The following PCBP3 variants were observed in gnomAD, a reference collection of about 807,000 sequenced individuals.
The protein encoded by PCBP3 is poly(rC) binding protein 3.
PCBP3 carries 25 observed loss-of-function variants against 52.7 expected under a neutral mutation model. The ratio of observed to expected loss-of-function variants is 0.47; its 90% CI spans 0.35 to 0.66. PCBP3 has a LOEUF of 0.66. Ranked by LOEUF, PCBP3 falls within the 30% of genes least tolerant of loss-of-function variation. The pLI is 0.01. For missense variants in PCBP3, 391 were observed against 490.3 expected (o/e 0.80, Z 1.91); for synonymous variants, 162 against 183.0 (o/e 0.89, Z 0.93).
intron 4 of PCBP3, chr21:45,762,461 G>A (rs1351636289): frequency 7.0e-6 from 1 of 142,448 alleles, no homozygotes; most frequent in Non-Finnish European, 1.5e-5. Flanking sequence ...GAGGGTAATT[G>A]TGCTTCACCT....
At chr21:45,936,534 C>A (rs1028022505) in intron 16 of PCBP3, among the ~76,000 whole-genome samples, 7 of 152,206 alleles carry the variant, frequency 4.6e-5, no homozygotes, top group African/African-American at 1.4e-4. Context: ...TGTGGGGTGG[C>A]ACAGCCAACT....
At chr21:45,787,873 G>A (rs1220859716) in intron 4 of PCBP3, among the ~76,000 whole-genome samples, 2 of 152,222 alleles carry the variant, frequency 1.3e-5, no homozygotes, top group Non-Finnish European at 1.5e-5. Flanking sequence ...TGTTGCAACA[G>A]GAAAAGTTGA....
intron 4 of PCBP3, among the ~76,000 whole-genome samples, chr21:45,796,914 C>A (rs2091946877): frequency 6.6e-6 from 1 of 152,172 alleles, no homozygotes; most frequent in South Asian, 2.1e-4. Flanking sequence ...CTCTTGAAGG[C>A]CCTCTTGTGT....
intron 4 of PCBP3, among the ~76,000 whole-genome samples, chr21:45,764,368 C>A (rs561898770): frequency 6.6e-6 from 1 of 152,142 alleles, no homozygotes; most frequent in Non-Finnish European, 1.5e-5. Flanking sequence ...GCAGTCTACC[C>A]GCCTCCGCCT....
intron 4 of PCBP3, among the ~76,000 whole-genome samples, chr21:45,799,900 C>T (rs1263530750): frequency 6.6e-6 from 1 of 152,232 alleles, no homozygotes; most frequent in Non-Finnish European, 1.5e-5. Context: ...TGGCTGAGCC[C>T]AGGAGGCCTT....
chr21:45,811,349 A>C (rs896901600), intron 4 of PCBP3, among the ~76,000 whole-genome samples: 13 of 152,228 alleles, frequency 8.5e-5, no homozygotes, highest in Non-Finnish European at 1.8e-4. Flanking sequence ...TGCCTCTTCC[A>C]GATTCTAGAA....
intron 11 of PCBP3, among the ~76,000 whole-genome samples, chr21:45,911,979 C>T (rs1356873206): frequency 2.0e-5 from 3 of 152,260 alleles, no homozygotes; most frequent in East Asian, 1.9e-4. Context: ...GCCCTGGAGG[C>T]CCTGCGGGCC....
chr21:45,867,120 C>T (rs1271321757), intron 5 of PCBP3, among the ~76,000 whole-genome samples: 3 of 152,222 alleles, frequency 2.0e-5, no homozygotes, highest in Admixed American at 6.5e-5. Flanking sequence ...CCACAGCAGC[C>T]ATAGAAGCGT....
intron 2 of PCBP3, among the ~76,000 whole-genome samples, chr21:45,688,849 G>T (rs944507129): frequency 4.0e-5 from 6 of 150,906 alleles, no homozygotes; most frequent in Non-Finnish European, 7.4e-5. Context: ...TGATAACTTA[G>T]AAAAATTCAG....
intron 2 of PCBP3, among the ~76,000 whole-genome samples, chr21:45,697,924 G>A (rs2082883569): frequency 6.6e-6 from 1 of 152,038 alleles, no homozygotes. Flanking sequence ...GTGGCCAGGG[G>A]TAGATATCAC....
In PCBP3 at chr21:45,790,069, G is replaced by A. The variant is rs544332214; in HGVS notation, c.-126+34617G>A. Among the ~76,000 whole-genome samples the A allele has an allele frequency of 3.5e-3, 540 of 152,298 alleles. 2 individuals carry two copies. Among genetic ancestry groups the A allele is most frequent in the African/African-American group, 0.012 (483 of 41,572 alleles). On this transcript the variant is annotated intron_variant, in intron 4 of 17. Coordinates refer to ENST00000681687, the MANE Select transcript of PCBP3 (RefSeq NM_001384156.1). The stretch of plus-strand genomic sequence containing the variant: ...GCAGGAGAATGGCGTGAACCCGGGA[G>A]GCGGAGCTTGCAGTGAGCCGAGATC...
At chr21:45,722,297 T>C (rs747803303) in intron 2 of PCBP3, among the ~76,000 whole-genome samples, 6 of 152,224 alleles carry the variant, frequency 3.9e-5, no homozygotes, top group Non-Finnish European at 8.8e-5. Flanking sequence ...TATGTTTGCA[T>C]GTGTATGTGT....
chr21:45,863,432 G>A (rs994733478), intron 5 of PCBP3, among the ~76,000 whole-genome samples: 5 of 152,196 alleles, frequency 3.3e-5, no homozygotes, highest in African/African-American at 7.2e-5. Flanking sequence ...TAGCTGCTGC[G>A]GCCGTGTGTC....
chr21:45,680,880 A>G (rs1263348122), intron 2 of PCBP3, among the ~76,000 whole-genome samples: 1 of 152,232 alleles, frequency 6.6e-6, no homozygotes, highest in Non-Finnish European at 1.5e-5. Flanking sequence ...TTGTACTGCT[A>G]TAACAAAATA....
At position 45,892,163 on chromosome 21, in the gene PCBP3, C is replaced by T. The variant is rs371956314; in HGVS notation, c.11-4045C>T. ...TAGCAGGACCGCGGCGTCCTTCCTA[C>T]GAGGTGGGCGCTGTCACAGCGTTTG... On this transcript the variant is annotated intron_variant, in intron 5 of 17. Transcript: ENST00000681687. Among the ~76,000 whole-genome samples the T allele has an allele frequency of 3.2e-4, 49 of 152,244 alleles. No homozygotes were observed. The East Asian group carries it at 7.0e-3, about 22-fold the overall frequency.
At chr21:45,722,088 A>G (rs2084687974) in intron 2 of PCBP3, among the ~76,000 whole-genome samples, 1 of 152,252 alleles carries the variant, frequency 6.6e-6, no homozygotes, top group Non-Finnish European at 1.5e-5. Flanking sequence ...AATAATTAAC[A>G]ATTGGAAGCA....
intron 13 of PCBP3, among the ~76,000 whole-genome samples, chr21:45,923,447 G>C (rs568542572): frequency 6.6e-6 from 1 of 152,358 alleles, no homozygotes; most frequent in African/African-American, 2.4e-5. Context: ...GCTGGCTGGA[G>C]TTCCATCTTT....
chr21:45,874,170 T>C (rs1193029242), intron 5 of PCBP3, among the ~76,000 whole-genome samples: 1 of 152,220 alleles, frequency 6.6e-6, no homozygotes, highest in Non-Finnish European at 1.5e-5. Flanking sequence ...GCTACATTGC[T>C]GCAGCTTCAT....
At chr21:45,651,559 A>G (rs2079685157) in intron 1 of PCBP3, among the ~76,000 whole-genome samples, 1 of 152,170 alleles carries the variant, frequency 6.6e-6, no homozygotes, top group Admixed American at 6.5e-5. Flanking sequence ...CTTGTCTCAT[A>G]ATGTGTTCTT....
Sources: gnomAD v4.1 joint callset for allele counts (sites outside exome capture counted in the v4.1 genomes callset) on GRCh38, gnomAD v4.1.1 for gene constraint, MANE v1.5 for transcripts, NCBI Gene and HGNC (gene_info 2026-07-23, HGNC 2026-07-21) for gene names.